The following NRXN1 variants were observed in gnomAD, a reference collection of about 807,000 sequenced individuals.
NRXN1 encodes the protein neurexin 1, also known as neurexin-1.
A neutral mutation model predicts 150.9 loss-of-function variants in NRXN1; 39 were observed. The ratio of observed to expected loss-of-function variants is 0.26; its 90% CI spans 0.20 to 0.34. NRXN1 has a LOEUF of 0.34. NRXN1 is among the 10% of genes least tolerant of loss of function. The pLI is 1.00. For missense variants in NRXN1, 1,815 were observed against 1,949.9 expected (o/e 0.93, Z 1.30); for synonymous variants, 924 against 757.0 (o/e 1.22, Z -3.62).
chr2:50,107,055 G>T (rs1006467086), intron 18 of NRXN1, among the ~76,000 whole-genome samples: 13 of 152,014 alleles, frequency 8.6e-5, no homozygotes, highest in African/African-American at 3.1e-4. Context: ...CAATACTTAA[G>T]TTCTCCAAAT....
chr2:50,620,252 C>G (rs1025617245), intron 7 of NRXN1, 69 bp from the exon 8 acceptor site: 51 of 1,467,134 alleles, frequency 3.5e-5, no homozygotes, highest in Non-Finnish European at 4.6e-5. Context: ...TGGGATATGC[C>G]TGTTTTGTGT....
chr2:50,139,453 C>T (rs1331924856), intron 18 of NRXN1, among the ~76,000 whole-genome samples: 1 of 151,592 alleles, frequency 6.6e-6, no homozygotes. Flanking sequence ...CTTGCAAGGA[C>T]ATTAAGTAGA....
chr2:50,078,105 T>G (rs1326359893), intron 19 of NRXN1, among the ~76,000 whole-genome samples: 1 of 152,138 alleles, frequency 6.6e-6, no homozygotes, highest in African/African-American at 2.4e-5. Context: ...GTTTTTACAT[T>G]TATTTTGTCA....
intron 21 of NRXN1, among the ~76,000 whole-genome samples, chr2:49,982,845 TACTAG>T (rs1456926793): frequency 4.6e-5 from 7 of 152,168 alleles, no homozygotes; most frequent in Admixed American, 1.3e-4. Flanking sequence ...TAAATGAGAT[TACTAG>T]ACTAAAGACA....
chr2:50,156,530 G>C (rs1055122094), intron 18 of NRXN1, among the ~76,000 whole-genome samples: 46 of 151,778 alleles, frequency 3.0e-4, no homozygotes, highest in Non-Finnish European at 1.3e-4. Context: ...CATGAATGTG[G>C]ACACATTTTA....
At position 50,812,576 on chromosome 2, in the gene NRXN1, C is replaced by T. The variant is rs144126030; in HGVS notation, c.832+109293G>A. ...GTGTGGGCATTCATGTGTGTGTATA[C>T]ATGACTATAATTCACAATTTAATTT... On this transcript the variant is annotated intron_variant, in intron 5 of 22. Transcript: ENST00000401669. Among the ~76,000 whole-genome samples the T allele has an allele frequency of 3.5e-3, 530 of 151,984 alleles. 3 individuals are homozygous for T. The highest frequency in any genetic ancestry group is 0.024 in the Middle Eastern group (7 of 294).
chr2:50,930,536 A>T (rs955118009), intron 2 of NRXN1, among the ~76,000 whole-genome samples: 2 of 152,136 alleles, frequency 1.3e-5, no homozygotes, highest in Non-Finnish European at 2.9e-5. Flanking sequence ...CATAAGCTAT[A>T]ATGAATTCAA....
intron 17 of NRXN1, among the ~76,000 whole-genome samples, chr2:50,319,392 T>C (rs1460746274): frequency 6.6e-6 from 1 of 152,126 alleles, no homozygotes; most frequent in Non-Finnish European, 1.5e-5. Context: ...TGAAATATAC[T>C]GATCACAAGC....
At chr2:50,940,202 G>A (rs1689194369) in intron 2 of NRXN1, among the ~76,000 whole-genome samples, 3 of 152,192 alleles carry the variant, frequency 2.0e-5, no homozygotes, top group South Asian at 4.2e-4. Flanking sequence ...ACCAGGGCAG[G>A]CGTAGTGGCT....
rs2086731664 is a variant in NRXN1, at chr2:50,449,137, T to C, written c.3364+16305A>G. 3.3e-5 allele frequency among the ~76,000 whole-genome samples: 5 copies of C among 152,186 alleles called. No homozygotes were observed. In the South Asian group the frequency reaches 1.0e-3, roughly 32 times the overall value. ...ACAATAAATCTTTGATTTTAGAGCA[T>C]ATTATTTCTAATGCATAGACGCAGG... On this transcript the variant is annotated intron_variant, in intron 17 of 22. Transcript: ENST00000401669.
rs368351213 is a variant in NRXN1 at position 50,778,642 on chromosome 2, T to C, written c.832+143227A>G. On this transcript the variant is annotated intron_variant, in intron 5 of 22. Coordinates refer to ENST00000401669, the MANE Select transcript of NRXN1 (RefSeq NM_001330078.2). ...TTTTGAATGATTCCTGGGATCCTGG[T>C]AGGAGAAATATCAATGAAGACAGAA... is the stretch of plus-strand genomic sequence containing the variant. 2.0e-5 allele frequency among the ~76,000 whole-genome samples: 3 copies of C among 152,112 alleles called. No individual in the cohort carries two copies. In the South Asian group the frequency reaches 6.2e-4, roughly 31 times the overall value.
chr2:50,943,395 T>C (rs561577913), intron 2 of NRXN1, among the ~76,000 whole-genome samples: 7 of 152,324 alleles, frequency 4.6e-5, no homozygotes, highest in East Asian at 1.9e-4. Context: ...TTTCATTTTA[T>C]AGATTAGAAA....
At chr2:51,007,983 A>G (rs2105159862) in intron 2 of NRXN1, among the ~76,000 whole-genome samples, 1 of 152,090 alleles carries the variant, frequency 6.6e-6, no homozygotes, top group Non-Finnish European at 1.5e-5. Context: ...AACGAGAAGC[A>G]CACAAATAAT....
rs79366909 is a variant in NRXN1, at chr2:50,849,800, G to A, written c.832+72069C>T. Among the ~76,000 whole-genome samples, 312 of 152,180 alleles carry A rather than the reference G, an allele frequency of 2.1e-3. 1 individual carries two copies. The highest frequency in any genetic ancestry group is 7.2e-3 in the African/African-American group (298 of 41,522). On this transcript the variant is annotated intron_variant, in intron 5 of 22. Coordinates refer to ENST00000401669, the MANE Select transcript of NRXN1 (RefSeq NM_001330078.2). ...TTTAATTGAATAATGTGGTCTTTCT[G>A]GAAACTTCTCTGTTAATATAGTCCC...
At chr2:50,926,059 C>A in intron 2 of NRXN1, 104 bp from the exon 3 acceptor site, 2 of 848,636 alleles carry the variant, frequency 2.4e-6, no homozygotes, top group Non-Finnish European at 3.9e-6. Flanking sequence ...AGGCACCAAA[C>A]ACATCATGCA....
chr2:49,987,319 T>TACA lies in NRXN1; in HGVS notation c.4129-43531_4129-43529dup, dbSNP rs1681097050. 2.6e-5 allele frequency among the ~76,000 whole-genome samples: 4 copies of TACA among 152,306 alleles called. No homozygotes were observed. In the East Asian group the frequency reaches 5.8e-4, roughly 22 times the overall value. On this transcript the variant is annotated intron_variant, in intron 21 of 22. Coordinates refer to ENST00000401669, the MANE Select transcript of NRXN1 (RefSeq NM_001330078.2). ...AATTTTGACCTCACTGAAAAGGTCT[T>TACA]ACAACACTCCTTTCCCCTGTCCTAA...
Position 49,919,587 on chromosome 2 carries a change from TTAG to T in NRXN1, c.*2354_*2356del, listed in dbSNP as rs1377216331. On this transcript the variant is annotated 3_prime_UTR_variant, in exon 23 of 23. Coordinates refer to ENST00000401669, the MANE Select transcript of NRXN1 (RefSeq NM_001330078.2). ...AAAAAAAAACCCTTCAAGCTGTAAA[TTAG>T]TAGTTTTACACTTCCCTTCTTATTT... is the stretch of plus-strand genomic sequence containing the variant. 6.6e-6 allele frequency: 1 copy of T among 151,546 alleles called. No homozygotes were observed. Among genetic ancestry groups the T allele is most frequent in the Non-Finnish European group, 1.5e-5 (1 of 67,842 alleles). 9.4% of individuals were successfully genotyped at this position (151,546 alleles called of 1,614,324 possible). A position where few individuals can be genotyped will look rare whatever the true frequency, so the allele number is the denominator to read the frequency against.
At chr2:50,531,855 T>G (rs1558891279) in intron 10 of NRXN1, among the ~76,000 whole-genome samples, 1 of 151,886 alleles carries the variant, frequency 6.6e-6, no homozygotes, top group Non-Finnish European at 1.5e-5. Flanking sequence ...GTTTTGTTGT[T>G]GTTTGTTTGT....
Position 50,677,904 on chromosome 2 carries a change from C to T in NRXN1, c.833-54289G>A, listed in dbSNP as rs1023784777. 7.6e-4 allele frequency among the ~76,000 whole-genome samples: 116 copies of T among 151,848 alleles called. 1 individual carries two copies. Among genetic ancestry groups the T allele is most frequent in the African/African-American group, 2.6e-3 (106 of 41,326 alleles). On this transcript the variant is annotated intron_variant, in intron 5 of 22. Transcript: ENST00000401669. ...GTACAAATCACCACCTACTTTTAAA[C>T]GACATCTCAGAAATTATTTTAAAGT...
Sources: allele counts gnomAD v4.1 joint callset (sites outside exome capture counted in the v4.1 genomes callset), GRCh38; gene constraint gnomAD v4.1.1; transcripts MANE v1.5; gene names NCBI Gene and HGNC (gene_info 2026-07-23, HGNC 2026-07-21).